COX6C: variants seen among roughly 807,000 people sequenced by gnomAD.
The protein encoded by COX6C is cytochrome c oxidase polypeptide VIc.
In COX6C, 3 loss-of-function variants were observed where a neutral mutation model predicts 6.9. That is an observed-to-expected ratio of 0.43 (90% CI 0.20 to 1.12). The LOEUF is 1.12. COX6C is among the 50% of genes most tolerant of loss of function. The pLI is 0.27. For missense variants in COX6C, 101 were observed against 97.3 expected (o/e 1.04, Z -0.16); for synonymous variants, 32 against 32.0 (o/e 1.00, Z 0.00).
intron 2 of COX6C, among the ~76,000 whole-genome samples, chr8:99,891,072 TC>T (rs1225705886): frequency 3.3e-5 from 5 of 152,262 alleles, no homozygotes; most frequent in African/African-American, 1.2e-4. Context: ...TATGCTGCCT[TC>T]CCAGCCCCTC....
intron 3 of COX6C, chr8:99,878,847 T>C (rs1370917995): frequency 6.6e-6 from 1 of 152,196 alleles, no homozygotes; most frequent in East Asian, 1.9e-4. Flanking sequence ...TTAATACACA[T>C]GGTACCCAAC....
intron 2 of COX6C, 41 bp downstream of exon 2, chr8:99,891,867 A>G (rs746069836): frequency 7.5e-5 from 117 of 1,569,190 alleles, no homozygotes; most frequent in Non-Finnish European, 1.0e-4. Flanking sequence ...CCAAAAACAC[A>G]TACTTTATGA....
intron 2 of COX6C, among the ~76,000 whole-genome samples, chr8:99,889,495 C>T (rs1316541332): frequency 2.0e-5 from 3 of 151,742 alleles, no homozygotes; most frequent in Non-Finnish European, 2.9e-5. Context: ...AAGCAATTCT[C>T]CTGCCTCAGC....
In COX6C at chr8:99,877,919, A is replaced by G. The variant is rs1817774109; in HGVS notation, c.*362T>C. Reference sequence around the variant, plus strand: ...TCTATCTCTTCTTAGAGCCCACAGTACAGTAGTCTTACAGGCTCATGAAGA... The same window carrying G: ...TCTATCTCTTCTTAGAGCCCACAGTGCAGTAGTCTTACAGGCTCATGAAGA... On this transcript the variant is annotated 3_prime_UTR_variant, in exon 4 of 4. Coordinates refer to ENST00000520468, the MANE Select transcript of COX6C (RefSeq NM_004374.4). The G allele has an allele frequency of 6.6e-6, 1 of 152,236 alleles. No individual in the cohort carries two copies. Among genetic ancestry groups the G allele is most frequent in the African/African-American group, 2.4e-5 (1 of 41,468 alleles). The allele number at this position is 152,236 out of a possible 1,614,324, so 9.4% of individuals were successfully genotyped here. A position where few individuals can be genotyped will look rare whatever the true frequency, so the allele number is the denominator to read the frequency against.
At chr8:99,882,133 A>G (rs1817875098) in intron 3 of COX6C, among the ~76,000 whole-genome samples, 1 of 152,228 alleles carries the variant, frequency 6.6e-6, no homozygotes, top group South Asian at 2.1e-4. Context: ...CAGCTCTACA[A>G]TAGCAGTAGA....
chr8:99,884,454 CAGAT>C (rs1444641193), intron 3 of COX6C, among the ~76,000 whole-genome samples: 1 of 152,138 alleles, frequency 6.6e-6, no homozygotes, highest in Non-Finnish European at 1.5e-5. Flanking sequence ...CTAGATGAAA[CAGAT>C]ATATACCTGT....
chr8:99,889,233 ATAGGTCCACT>A (rs1817995635), intron 2 of COX6C, among the ~76,000 whole-genome samples: 3 of 152,156 alleles, frequency 2.0e-5, no homozygotes, highest in Non-Finnish European at 4.4e-5. Flanking sequence ...GTCCCAAAGC[ATAGGTCCACT>A]TAGTGCTCCC....
intron 3 of COX6C, among the ~76,000 whole-genome samples, chr8:99,880,827 G>C (rs1817850858): frequency 6.6e-6 from 1 of 151,862 alleles, no homozygotes; most frequent in Non-Finnish European, 1.5e-5. Flanking sequence ...AGGGCAGAGA[G>C]CTTAAAAAAA....
intron 3 of COX6C, among the ~76,000 whole-genome samples, chr8:99,881,100 C>T (rs185519976): frequency 1.6e-4 from 24 of 152,304 alleles, no homozygotes; most frequent in Non-Finnish European, 2.9e-4. Context: ...TGGCTCATGC[C>T]TGTTATCCCA....
intron 1 of COX6C, among the ~76,000 whole-genome samples, chr8:99,892,565 C>T (rs1233477687): frequency 2.0e-5 from 3 of 152,018 alleles, no homozygotes; most frequent in Non-Finnish European, 2.9e-5. Flanking sequence ...GAAAAGATAT[C>T]AAAAGGAATT....
At chr8:99,880,900 G>A (rs1817852754) in intron 3 of COX6C, among the ~76,000 whole-genome samples, 1 of 152,060 alleles carries the variant, frequency 6.6e-6, no homozygotes, top group Non-Finnish European at 1.5e-5. Context: ...AAAAATGAAG[G>A]AGAAATTCCC....
At chr8:99,892,158 C>T (rs1225154170) in intron 1 of COX6C, 106 bp from the exon 2 acceptor site, 2 of 621,716 alleles carry the variant, frequency 3.2e-6, no homozygotes, top group African/African-American at 1.9e-5. Context: ...ATATACACTC[C>T]GATTAGCAGC....
intron 3 of COX6C, among the ~76,000 whole-genome samples, chr8:99,881,264 G>C (rs1014178744): frequency 6.6e-6 from 1 of 151,934 alleles, no homozygotes; most frequent in Non-Finnish European, 1.5e-5. Flanking sequence ...GGAGGCTGAG[G>C]CATGAGAATT....
chr8:99,883,793 A>G lies in COX6C; in HGVS notation c.*15+3697T>C, dbSNP rs185391045. ...AAAACACTAGCAAACCAGATTTGAC[A>G]TCGCATTAAAAGAATCATGTACTAT... is the stretch of plus-strand genomic sequence containing the variant. On this transcript the variant is annotated intron_variant, in intron 3 of 3. Transcript: ENST00000520468. 2.6e-5 allele frequency among the ~76,000 whole-genome samples: 4 copies of G among 152,334 alleles called. No homozygotes were observed. The East Asian group carries it at 5.8e-4, about 22-fold the overall frequency.
chr8:99,881,609 C>T (rs1817866949), intron 3 of COX6C, among the ~76,000 whole-genome samples: 1 of 151,688 alleles, frequency 6.6e-6, no homozygotes, highest in Non-Finnish European at 1.5e-5. Context: ...TCATGTAATC[C>T]CCATGGTAAC....
At chr8:99,892,629 A>G (rs1372466384) in intron 1 of COX6C, among the ~76,000 whole-genome samples, 1 of 152,108 alleles carries the variant, frequency 6.6e-6, no homozygotes, top group Non-Finnish European at 1.5e-5. Flanking sequence ...CAGTGGATGG[A>G]TTCCTCCCAC....
intron 3 of COX6C, among the ~76,000 whole-genome samples, chr8:99,880,222 G>A (rs1817841392): frequency 6.6e-6 from 1 of 151,878 alleles, no homozygotes; most frequent in Admixed American, 6.6e-5. Flanking sequence ...AAGATCACAA[G>A]GCACATAAAG....
At chr8:99,887,099 G>C (rs1185784297) in intron 3 of COX6C, 1 of 153,524 alleles carries the variant, frequency 6.5e-6, no homozygotes, top group Admixed American at 6.5e-5. Flanking sequence ...TCATAGCTTA[G>C]CCTTCCCTAC....
chr8:99,887,404 T>G, intron 3 of COX6C, 86 bp downstream of exon 3: 1 of 692,962 alleles, frequency 1.4e-6, no homozygotes, highest in Non-Finnish European at 2.3e-6. Context: ...ATCTTAAGTC[T>G]AAACATTGTG....
Sources: allele counts gnomAD v4.1 joint callset (sites outside exome capture counted in the v4.1 genomes callset), GRCh38; gene constraint gnomAD v4.1.1; transcripts MANE v1.5; gene names NCBI Gene and HGNC (gene_info 2026-07-23, HGNC 2026-07-21).